The following RNGTT variants were observed in gnomAD, a reference collection of about 807,000 sequenced individuals.
RNGTT encodes RNA guanylyltransferase and 5'-phosphatase.
Under a neutral mutation model 79.3 loss-of-function variants are expected in RNGTT, and 33 were observed. That is an observed-to-expected ratio of 0.42 (90% CI 0.32 to 0.56). RNGTT has a LOEUF of 0.56. RNGTT is among the 20% of genes least tolerant of loss of function. RNGTT has a pLI of 0.17. For missense variants in RNGTT, 497 were observed against 739.1 expected (o/e 0.67, Z 3.80); for synonymous variants, 222 against 235.9 (o/e 0.94, Z 0.54).
chr6:88,895,939 C>T (rs1008740301), intron 6 of RNGTT, among the ~76,000 whole-genome samples: 1 of 152,080 alleles, frequency 6.6e-6, no homozygotes, highest in Non-Finnish European at 1.5e-5. Flanking sequence ...CCTGGAATTC[C>T]TTTTTCATAA....
chr6:88,954,631 T>C (rs1461779335), intron 1 of RNGTT, among the ~76,000 whole-genome samples: 5 of 151,238 alleles, frequency 3.3e-5, no homozygotes, highest in Non-Finnish European at 7.4e-5. Flanking sequence ...CTAGAACAAA[T>C]GGACTTAACA....
intron 8 of RNGTT, among the ~76,000 whole-genome samples, chr6:88,886,155 A>G (rs942860387): frequency 5.9e-5 from 9 of 152,144 alleles, no homozygotes; most frequent in Non-Finnish European, 1.2e-4. Context: ...AATACAAAAA[A>G]ATTAGCCTGG....
In RNGTT at chr6:88,680,951, C is replaced by G. The variant is rs568245567; in HGVS notation, c.1440-2532G>C. 6.6e-5 allele frequency among the ~76,000 whole-genome samples: 10 copies of G among 152,044 alleles called. No homozygotes were observed. In the South Asian group the frequency reaches 2.1e-3, roughly 32 times the overall value. On this transcript the variant is annotated intron_variant, in intron 13 of 15. Coordinates refer to ENST00000369485, the MANE Select transcript of RNGTT (RefSeq NM_003800.5). The stretch of plus-strand genomic sequence containing the variant: ...TTAGTAGATTCAAATAGGAAATGTC[C>G]CCTAATCTAAGAAATGGAGAATTTC...
intron 1 of RNGTT, among the ~76,000 whole-genome samples, chr6:88,949,360 G>A (rs919520157): frequency 2.0e-5 from 3 of 150,178 alleles, no homozygotes; most frequent in African/African-American, 7.4e-5. Context: ...CACCTCCCAG[G>A]TTCAAACGAT....
intron 6 of RNGTT, among the ~76,000 whole-genome samples, chr6:88,899,686 A>C (rs1783380335): frequency 1.3e-5 from 2 of 152,142 alleles, no homozygotes; most frequent in Non-Finnish European, 2.9e-5. Flanking sequence ...AGGGCCAAAA[A>C]CTCAGGAGGA....
intron 13 of RNGTT, among the ~76,000 whole-genome samples, chr6:88,703,906 T>C (rs1363236571): frequency 6.6e-6 from 1 of 152,102 alleles, no homozygotes; most frequent in Non-Finnish European, 1.5e-5. Context: ...CTAATATATC[T>C]AATATTGTGT....
chr6:88,822,191 T>C (rs17581788), intron 11 of RNGTT, among the ~76,000 whole-genome samples: 20,224 of 151,958 alleles, frequency 0.13, 1,498 homozygotes, highest in Middle Eastern at 0.24. Context: ...AGGAAACAAG[T>C]AGAGATTTTA....
intron 12 of RNGTT, among the ~76,000 whole-genome samples, chr6:88,783,178 C>T (rs1051228713): frequency 6.6e-6 from 1 of 152,118 alleles, no homozygotes; most frequent in African/African-American, 2.4e-5. Context: ...TTAAAGAAAA[C>T]GTGGTGTACA....
chr6:88,800,302 C>G (rs946482742), intron 12 of RNGTT, among the ~76,000 whole-genome samples: 2 of 152,080 alleles, frequency 1.3e-5, no homozygotes, highest in African/African-American at 4.8e-5. Context: ...TACAAAAATC[C>G]AAAATGCTCC....
At chr6:88,876,405 G>A (rs1480014557) in intron 8 of RNGTT, among the ~76,000 whole-genome samples, 2 of 152,134 alleles carry the variant, frequency 1.3e-5, no homozygotes, top group African/African-American at 4.8e-5. Context: ...GTGGCGGCAC[G>A]CGCCTATAGT....
At chr6:88,941,766 C>T (rs1310779199) in intron 1 of RNGTT, among the ~76,000 whole-genome samples, 1 of 151,662 alleles carries the variant, frequency 6.6e-6, no homozygotes, top group Non-Finnish European at 1.5e-5. Context: ...CAGGTTCATG[C>T]CATTCTCCTG....
intron 11 of RNGTT, among the ~76,000 whole-genome samples, chr6:88,823,842 C>T (rs1353307012): frequency 6.6e-6 from 1 of 152,112 alleles, no homozygotes; most frequent in Admixed American, 6.5e-5. Context: ...TGAGATTTAG[C>T]TGAGAACTAG....
At chr6:88,759,452 G>C (rs1202037209) in intron 13 of RNGTT, among the ~76,000 whole-genome samples, 2 of 152,126 alleles carry the variant, frequency 1.3e-5, no homozygotes, top group African/African-American at 4.8e-5. Context: ...GGGTGCCTCT[G>C]CTTATAGGTC....
intron 11 of RNGTT, among the ~76,000 whole-genome samples, chr6:88,804,188 C>A (rs1779884350): frequency 6.6e-6 from 1 of 152,172 alleles, no homozygotes; most frequent in Admixed American, 6.6e-5. Flanking sequence ...AAGCAACTAG[C>A]TTTAATTCAG....
intron 1 of RNGTT, among the ~76,000 whole-genome samples, chr6:88,949,178 A>AAAAAAAAT (rs1785156409): frequency 7.8e-6 from 1 of 127,858 alleles, no homozygotes; most frequent in African/African-American, 3.3e-5. Flanking sequence ...AAAAAAAAAA[A>AAAAAAAAT]GAAAATGAAA....
chr6:88,738,839 T>TAC (rs200498670), intron 13 of RNGTT, among the ~76,000 whole-genome samples: 27,809 of 142,372 alleles, frequency 0.2, 3,378 homozygotes, highest in East Asian at 0.65. Flanking sequence ...ATAAATAAAA[T>TAC]ACACACACAC....
chr6:88,612,998 T>C lies in RNGTT; in HGVS notation c.1631-116A>G, dbSNP rs150406919. 158 of 919,930 alleles carry C rather than the reference T, an allele frequency of 1.7e-4. 1 individual carries two copies. The African/African-American group carries it at 2.4e-3, about 14-fold the overall frequency. 57.0% of individuals were successfully genotyped at this position (919,930 alleles called of 1,614,324 possible). A position where few individuals can be genotyped will look rare whatever the true frequency, so the allele number is the denominator to read the frequency against. ...ACTAAATACTTTCCATTTTACCCAT[T>C]TGAGTGATGTGCTTCACATTGAACT... On this transcript the variant is annotated intron_variant, in intron 15 of 15. Transcript: ENST00000369485.
chr6:88,853,595 G>A, intron 9 of RNGTT, 34 bp downstream of exon 9: 3 of 1,384,686 alleles, frequency 2.2e-6, no homozygotes, highest in Non-Finnish European at 3.0e-6. Flanking sequence ...AAATGGCAAT[G>A]TTTAATTTTA....
intron 14 of RNGTT, among the ~76,000 whole-genome samples, chr6:88,634,099 T>C (rs1773007647): frequency 6.6e-6 from 1 of 152,214 alleles, no homozygotes; most frequent in Admixed American, 6.5e-5. Context: ...TTCCCTTTTG[T>C]ATCCAGTGCA....
Sources: allele counts gnomAD v4.1 joint callset (sites outside exome capture counted in the v4.1 genomes callset), GRCh38; gene constraint gnomAD v4.1.1; transcripts MANE v1.5; gene names NCBI Gene and HGNC (gene_info 2026-07-23, HGNC 2026-07-21).